CTDP1: variants seen among roughly 807,000 people sequenced by gnomAD.
The protein encoded by CTDP1 is RNA polymerase II subunit A C-terminal domain phosphatase.
Under a neutral mutation model 91.8 loss-of-function variants are expected in CTDP1, and 47 were observed. The ratio of observed to expected loss-of-function variants is 0.51; its 90% CI spans 0.41 to 0.65. CTDP1 has a LOEUF of 0.65. Ranked by LOEUF, CTDP1 falls within the 30% of genes least tolerant of loss-of-function variation. CTDP1 has a pLI of 0.00. For synonymous variants in CTDP1, 656 were observed against 598.5 expected (o/e 1.10, Z -1.40); for missense variants, 1,272 against 1,373.7 (o/e 0.93, Z 1.17).
At chr18:79,734,407 C>T (rs562485449) in intron 11 of CTDP1, among the ~76,000 whole-genome samples, 40 of 152,372 alleles carry the variant, frequency 2.6e-4, no homozygotes, top group African/African-American at 8.7e-4. Context: ...GAGAGGAGAT[C>T]GGAGGAGCAT....
chr18:79,732,095 A>G (rs1301337643), intron 11 of CTDP1, among the ~76,000 whole-genome samples: 1 of 151,390 alleles, frequency 6.6e-6, no homozygotes. Context: ...ATCACATGAG[A>G]TGTAAGAACT....
rs868138088 is a variant in CTDP1, at chr18:79,701,460, C to T, written c.622-3307C>T. ...GGGAGGCGGAGCTTGCAGTGAGCCA[C>T]GATCGCACCACTGCACTCCAGCCTG... On this transcript the variant is annotated intron_variant, in intron 4 of 12. Coordinates refer to ENST00000613122, the MANE Select transcript of CTDP1 (RefSeq NM_004715.5). 2.0e-4 allele frequency among the ~76,000 whole-genome samples: 31 copies of T among 151,360 alleles called. No homozygotes were observed. In the South Asian group the frequency reaches 5.9e-3, roughly 29 times the overall value.
At chr18:79,730,945 C>T (rs933797600) in intron 11 of CTDP1, among the ~76,000 whole-genome samples, 3 of 152,226 alleles carry the variant, frequency 2.0e-5, no homozygotes, top group Non-Finnish European at 4.4e-5. Context: ...GGAAGCTCCT[C>T]GTGGCCTGGC....
At chr18:79,692,380 C>T (rs1188251936) in intron 1 of CTDP1, among the ~76,000 whole-genome samples, 3 of 152,058 alleles carry the variant, frequency 2.0e-5, no homozygotes, top group African/African-American at 7.3e-5. Context: ...TGTTGTATGC[C>T]TGATAAGTTC....
chr18:79,701,019 C>T (rs980016109), intron 4 of CTDP1, among the ~76,000 whole-genome samples: 26 of 152,164 alleles, frequency 1.7e-4, no homozygotes, highest in Admixed American at 5.2e-4. Flanking sequence ...ATTCTAAGCC[C>T]GCTCTTGAGA....
Position 79,710,338 on chromosome 18 carries a change from T to G in CTDP1, c.773-8T>G, listed in dbSNP as rs1412016865. The G allele has an allele frequency of 6.2e-7, 1 of 1,612,088 alleles. No homozygotes were observed. Among genetic ancestry groups the G allele is most frequent in the East Asian group, 2.2e-5 (1 of 44,862 alleles). ...GTATGTAATCTTTGTCCTGTTTTCT[T>G]TTCCAAGGCTTTTTAGACCCCGAGA... is the stretch of plus-strand genomic sequence containing the variant. On this transcript the variant is annotated splice_polypyrimidine_tract_variant and splice_region_variant and intron_variant, in intron 5 of 12. Coordinates refer to ENST00000613122, the MANE Select transcript of CTDP1 (RefSeq NM_004715.5).
chr18:79,705,898 C>A (rs1448160750), intron 5 of CTDP1, among the ~76,000 whole-genome samples: 1 of 152,214 alleles, frequency 6.6e-6, no homozygotes, highest in Non-Finnish European at 1.5e-5. Flanking sequence ...AACATTATGG[C>A]TGCTGCTGCA....
rs768723489 is a variant in CTDP1 at position 79,736,160 on chromosome 18, TC to T, written c.2581-193del. ...ACCGACTGGGTTTGCTCTGTGGATT[TC>T]CAAGCGTCTTTTGCCCGGGGCTTTG... On this transcript the variant is annotated intron_variant, in intron 11 of 12. Coordinates refer to ENST00000613122, the MANE Select transcript of CTDP1 (RefSeq NM_004715.5). 1.1e-4 allele frequency: 72 copies of T among 679,792 alleles called. 1 individual carries two copies. Among genetic ancestry groups the T allele is most frequent in the Non-Finnish European group, 1.6e-4 (62 of 391,042 alleles). 42.1% of individuals were successfully genotyped at this position (679,792 alleles called of 1,614,324 possible).
rs777069270 is a variant in CTDP1 at position 79,715,107 on chromosome 18, C to T, written c.1647C>T (p.Ala549=). The change falls in exon 8 of 13, where the codon GCC becomes GCT. Residue 549 remains alanine, a synonymous_variant. Coordinates refer to ENST00000613122, the MANE Select transcript of CTDP1 (RefSeq NM_004715.5). ...DGLCGLGNGC[A]DRKEAETESQ... ...TCTGCGGCCTGGGCAACGGCTGTGC[C>T]GACAGGAAGGAGGCGGAGACCGAGT... 6.8e-6 allele frequency: 11 copies of T among 1,613,006 alleles called. No homozygotes were observed. Among genetic ancestry groups the T allele is most frequent in the Admixed American group, 1.7e-5 (1 of 59,950 alleles).
chr18:79,716,463 A>T (rs899933368), intron 8 of CTDP1, among the ~76,000 whole-genome samples: 3 of 152,238 alleles, frequency 2.0e-5, no homozygotes, highest in African/African-American at 7.2e-5. Flanking sequence ...TGCAGGGCAG[A>T]GGCGGGCTTT....
chr18:79,695,849 C>T, intron 2 of CTDP1, 128 bp from the exon 3 acceptor site: 1 of 787,462 alleles, frequency 1.3e-6, no homozygotes, highest in East Asian at 2.6e-5. Flanking sequence ...CCGACAGAAT[C>T]AAGTCTGTGC....
chr18:79,697,468 G>A (rs111320427), intron 3 of CTDP1, among the ~76,000 whole-genome samples: 2,857 of 152,310 alleles, frequency 0.019, 98 homozygotes, highest in African/African-American at 0.065. Context: ...GATTCTGAGC[G>A]CATTGCCCTT....
intron 11 of CTDP1, among the ~76,000 whole-genome samples, chr18:79,733,575 C>T (rs112397424): frequency 0.043 from 6,500 of 151,952 alleles, 205 homozygotes; most frequent in South Asian, 0.16. Flanking sequence ...CGTCCGCTGC[C>T]TCTCCAGCTG....
At chr18:79,738,712 T>A (rs2086716922) in intron 12 of CTDP1, among the ~76,000 whole-genome samples, 2 of 152,230 alleles carry the variant, frequency 1.3e-5, no homozygotes, top group African/African-American at 4.8e-5. Context: ...GACAAGATAG[T>A]CATTGTTCCG....
At chr18:79,681,700 G>A (rs1157050020) in intron 1 of CTDP1, among the ~76,000 whole-genome samples, 1 of 152,160 alleles carries the variant, frequency 6.6e-6, no homozygotes, top group East Asian at 1.9e-4. Context: ...ACCTCACAGG[G>A]CCCTTTGAGA....
At chr18:79,710,744 C>G (rs2086066839) in intron 6 of CTDP1, among the ~76,000 whole-genome samples, 1 of 113,030 alleles carries the variant, frequency 8.8e-6, no homozygotes. Flanking sequence ...ACGGTGGTTT[C>G]ACTGTGTTAG....
At chr18:79,745,571 G>A (rs1599318780) in intron 12 of CTDP1, among the ~76,000 whole-genome samples, 1 of 220 alleles carries the variant, frequency 4.5e-3, no homozygotes, top group Non-Finnish European at 0.016. Flanking sequence ...TTCTGTCCCC[G>A]CGTCCCTCCC....
intron 12 of CTDP1, among the ~76,000 whole-genome samples, chr18:79,748,087 G>A (rs1324565871): frequency 6.6e-6 from 1 of 152,192 alleles, no homozygotes; most frequent in Non-Finnish European, 1.5e-5. Context: ...TCTCTATGGA[G>A]CTGTGCAGCT....
At chr18:79,748,678 C>T (rs1054429960) in intron 12 of CTDP1, among the ~76,000 whole-genome samples, 37 of 152,348 alleles carry the variant, frequency 2.4e-4, no homozygotes, top group African/African-American at 8.9e-4. Flanking sequence ...GCTGTGGATC[C>T]ACAAGAAACT....
Sources: gnomAD v4.1 joint callset for allele counts (sites outside exome capture counted in the v4.1 genomes callset) on GRCh38, gnomAD v4.1.1 for gene constraint, MANE v1.5 for transcripts, NCBI Gene and HGNC (gene_info 2026-07-23, HGNC 2026-07-21) for gene names.